The following RABEP1 variants were observed in gnomAD, a reference collection of about 807,000 sequenced individuals.
RABEP1 encodes the protein rabaptin, RAB GTPase binding effector protein 1, also known as rab GTPase-binding effector protein 1.
In RABEP1, 51 loss-of-function variants were observed where a neutral mutation model predicts 123.4. The ratio of observed to expected loss-of-function variants is 0.41; its 90% confidence interval spans 0.33 to 0.52. The LOEUF (loss-of-function observed/expected upper bound fraction) is 0.52. RABEP1 is among the 20% of genes least tolerant of loss of function. RABEP1 has a pLI of 0.16. For missense variants in RABEP1, 888 were observed against 996.3 expected (o/e 0.89, Z 1.46); for synonymous variants, 347 against 355.2 (o/e 0.98, Z 0.26).
chr17:5,373,320 C>T lies in RABEP1; in HGVS notation c.1891C>T (p.Leu631=), dbSNP rs1341353951. The T allele has an allele frequency of 6.2e-7, 1 of 1,612,716 alleles. No homozygotes were observed. Among genetic ancestry groups the T allele is most frequent in the Admixed American group, 1.7e-5 (1 of 59,826 alleles). Residue 631 remains leucine (L), a synonymous_variant, in exon 13 of 18, where the codon CTG becomes TTG. Coordinates refer to ENST00000537505, the MANE Select transcript of RABEP1 (RefSeq NM_004703.6). ...GTATCTACTTCTATTTTAGGCGGTG[C>T]TGATGCAGTCACGGGAACAGGTTTC... ...KRDVQEQMAV[L]MQSREQVSEE... is the part of the protein sequence containing the mutation.
At chr17:5,350,914 C>G (rs1445705027) in intron 7 of RABEP1, among the ~76,000 whole-genome samples, 1 of 152,210 alleles carries the variant, frequency 6.6e-6, no homozygotes, top group Non-Finnish European at 1.5e-5. Flanking sequence ...CCTGTGCTGA[C>G]CAGTTCTCCC....
intron 2 of RABEP1, among the ~76,000 whole-genome samples, chr17:5,327,055 A>G (rs922074582): frequency 2.6e-5 from 4 of 152,204 alleles, no homozygotes; most frequent in African/African-American, 9.6e-5. Context: ...TGTATTAAAC[A>G]TAGCTAAACA....
chr17:5,378,131 C>T (rs1322816728), intron 14 of RABEP1, 46 bp from the exon 15 acceptor site: 1 of 1,431,368 alleles, frequency 7.0e-7, no homozygotes, highest in South Asian at 1.2e-5. Flanking sequence ...AATGTTCATG[C>T]ACAATAATAG....
rs561664907 is a variant in RABEP1, at chr17:5,334,540, A to G, written c.368-644A>G. On this transcript the variant is annotated intron_variant, in intron 3 of 17. Coordinates refer to ENST00000537505, the MANE Select transcript of RABEP1 (RefSeq NM_004703.6). The stretch of plus-strand genomic sequence containing the variant: ...AGCCACCACACCCGGCAATTTTTCT[A>G]TCTTTGGTAGAGATGGGGTTTTGCC... Among the ~76,000 whole-genome samples the G allele has an allele frequency of 1.2e-3, 190 of 152,126 alleles. 3 individuals are homozygous for G. Among genetic ancestry groups the G allele is most frequent in the South Asian group, 8.1e-3 (39 of 4,812 alleles).
At chr17:5,324,963 A>C (rs1339547635) in intron 2 of RABEP1, among the ~76,000 whole-genome samples, 1 of 152,176 alleles carries the variant, frequency 6.6e-6, no homozygotes, top group Non-Finnish European at 1.5e-5. Context: ...TCCTCAAAAG[A>C]CTAAAATAAG....
At chr17:5,344,754 A>G in intron 5 of RABEP1, among the ~76,000 whole-genome samples, 1 of 140,232 alleles carries the variant, frequency 7.1e-6, no homozygotes, top group South Asian at 2.4e-4. Context: ...CCTGGGTGAC[A>G]GAGCAAGACA....
At chr17:5,301,223 AAG>A (rs1340085025) in intron 1 of RABEP1, among the ~76,000 whole-genome samples, 4 of 152,150 alleles carry the variant, frequency 2.6e-5, no homozygotes, top group African/African-American at 9.7e-5. Context: ...ACACGACTAA[AAG>A]TCTTACAGCA....
chr17:5,311,963 A>T (rs2144533549), intron 2 of RABEP1, among the ~76,000 whole-genome samples: 1 of 152,280 alleles, frequency 6.6e-6, no homozygotes, highest in Non-Finnish European at 1.5e-5. Flanking sequence ...CAATTCTCTT[A>T]GCTGTTTCTA....
chr17:5,296,415 C>T (rs1044648709), intron 1 of RABEP1, among the ~76,000 whole-genome samples: 1 of 152,094 alleles, frequency 6.6e-6, no homozygotes, highest in Admixed American at 6.6e-5. Context: ...AAGCATGTGC[C>T]ACCACACCCG....
rs374594228 is a variant in RABEP1, at chr17:5,363,006, C to T, written c.1658C>T (p.Thr553Met). ...LQGIQIQEAE[T>M]RDQVKKLQLM... ...GGAATTCAGATTCAGGAGGCTGAAA[C>T]GAGAGACCAGGTGAGTTTCTTCTGG... Residue 553 changes from threonine to methionine, a missense_variant, in exon 10 of 18, where the codon ACG becomes ATG. Thr to Met is a moderately conservative substitution (Grantham distance 81, BLOSUM62 -1). Transcript: ENST00000537505. 1,130 of 1,611,002 alleles carry T rather than the reference C, an allele frequency of 7.0e-4. 29 individuals are homozygous for T. The South Asian group carries it at 0.012, about 17-fold the overall frequency.
chr17:5,299,108 G>C (rs142521265), intron 1 of RABEP1, among the ~76,000 whole-genome samples: 1 of 152,152 alleles, frequency 6.6e-6, no homozygotes, highest in African/African-American at 2.4e-5. Context: ...GTTGTCGTGC[G>C]CACTTGTGTG....
intron 1 of RABEP1, among the ~76,000 whole-genome samples, chr17:5,300,957 C>T (rs1193643864): frequency 1.3e-5 from 2 of 152,080 alleles, no homozygotes; most frequent in African/African-American, 2.4e-5. Flanking sequence ...TTTCTGATTC[C>T]GGGAAGCCTG....
At chr17:5,368,296 G>C (rs968855788) in intron 11 of RABEP1, 74 bp from the exon 12 acceptor site, 3 of 988,022 alleles carry the variant, frequency 3.0e-6, no homozygotes, top group Non-Finnish European at 4.5e-6. Flanking sequence ...ACACTAAATA[G>C]TTAGAAGATG....
At position 5,330,946 on chromosome 17, in the gene RABEP1, C is replaced by G. The variant is rs140580211; in HGVS notation, c.164-1003C>G. 6.6e-5 allele frequency among the ~76,000 whole-genome samples: 10 copies of G among 151,414 alleles called. No homozygotes were observed. The East Asian group carries it at 1.9e-3, about 29-fold the overall frequency. On this transcript the variant is annotated intron_variant, in intron 2 of 17. Coordinates refer to ENST00000537505, the MANE Select transcript of RABEP1 (RefSeq NM_004703.6). Reference sequence around the variant, plus strand: ...GGCTGAGGTGGGGGGATCGCTTGAGCCCAGGAATTTGAGGTTATAGTGGTC... The same window carrying G: ...GGCTGAGGTGGGGGGATCGCTTGAGGCCAGGAATTTGAGGTTATAGTGGTC...
At chr17:5,341,275 A>T (rs1380980516) in intron 5 of RABEP1, among the ~76,000 whole-genome samples, 1 of 151,980 alleles carries the variant, frequency 6.6e-6, no homozygotes, top group Admixed American at 6.6e-5. Context: ...AGCCTGTCTT[A>T]AAAAAAAGAA....
intron 5 of RABEP1, among the ~76,000 whole-genome samples, chr17:5,343,865 G>A (rs1303165015): frequency 7.9e-5 from 12 of 151,388 alleles, no homozygotes; most frequent in East Asian, 4.0e-4. Flanking sequence ...TAGTAGAGAC[G>A]GGGTTTTGTC....
chr17:5,340,819 G>T (rs1299590265), intron 5 of RABEP1, among the ~76,000 whole-genome samples: 1 of 151,384 alleles, frequency 6.6e-6, no homozygotes, highest in Non-Finnish European at 1.5e-5. Flanking sequence ...GTGGTGGCGG[G>T]CGCCTATAAT....
intron 2 of RABEP1, among the ~76,000 whole-genome samples, chr17:5,325,048 C>T (rs983855362): frequency 6.6e-6 from 1 of 152,128 alleles, no homozygotes; most frequent in African/African-American, 2.4e-5. Flanking sequence ...CATGGTGGCT[C>T]ATGCCTATAA....
At position 5,384,220 on chromosome 17, in the gene RABEP1, T is replaced by C. The variant is rs948708046; in HGVS notation, c.*997T>C. On this transcript the variant is annotated 3_prime_UTR_variant, in exon 18 of 18. Transcript: ENST00000537505. ...GAATGTAAGTAAGTGACAATGCTTA[T>C]GGAAAGCCAGTTAGTTAGAATTGGA... The C allele has an allele frequency of 1.9e-5, 4 of 215,186 alleles. No individual in the cohort carries two copies. The highest frequency in any genetic ancestry group is 1.9e-4 in the South Asian group (1 of 5,390). 13.3% of individuals were successfully genotyped at this position (215,186 alleles called of 1,614,324 possible).
Sources: allele counts gnomAD v4.1 joint callset (sites outside exome capture counted in the v4.1 genomes callset), GRCh38; gene constraint gnomAD v4.1.1; transcripts MANE v1.5; gene names NCBI Gene and HGNC (gene_info 2026-07-23, HGNC 2026-07-21).